Variants in ZFAND3 observed in about 807,000 individuals in gnomAD.
ZFAND3 encodes AN1-type zinc finger protein 3.
ZFAND3 carries 10 observed loss-of-function variants against 29.6 expected under a neutral mutation model. The ratio of observed to expected loss-of-function variants is 0.34; its 90% CI spans 0.21 to 0.57. The LOEUF (loss-of-function observed/expected upper bound fraction) is 0.57, where lower values mean the gene tolerates loss of function less well. Among genes scored for constraint, ZFAND3 ranks in the 20% least tolerant of loss-of-function variants. The probability of loss-of-function intolerance (pLI) is 0.86; values close to 1 mark genes in which losing one functional copy is unlikely to be tolerated. For synonymous variants in ZFAND3, 128 were observed against 112.6 expected (o/e 1.14, Z -0.87); for missense variants, 230 against 304.5 (o/e 0.76, Z 1.82).
chr6:38,142,013 C>G (rs1765968004), intron 5 of ZFAND3, among the ~76,000 whole-genome samples: 1 of 152,236 alleles, frequency 6.6e-6, no homozygotes, highest in East Asian at 1.9e-4. Flanking sequence ...AGCCACATAA[C>G]TGTCAAAACA....
At chr6:38,148,188 C>G (rs894719240) in intron 5 of ZFAND3, among the ~76,000 whole-genome samples, 1 of 152,174 alleles carries the variant, frequency 6.6e-6, no homozygotes, top group African/African-American at 2.4e-5. Context: ...CAGGCCAATT[C>G]TCTGAGCACC....
intron 2 of ZFAND3, among the ~76,000 whole-genome samples, chr6:37,973,455 T>C (rs1762425155): frequency 6.6e-6 from 1 of 152,250 alleles, no homozygotes; most frequent in South Asian, 2.1e-4. Context: ...GGAGTAGCAC[T>C]GTCTGATGCA....
rs144833520 is a variant in ZFAND3 at position 37,895,666 on chromosome 6, A to G, written c.72-34293A>G. Among the ~76,000 whole-genome samples, 472 of 151,696 alleles carry G rather than the reference A, an allele frequency of 3.1e-3. 3 individuals are homozygous for G. Among genetic ancestry groups the G allele is most frequent in the African/African-American group, 0.011 (446 of 41,394 alleles). ...GATTTTTCTTGTCACTGTGGGTCATATTTTCCTGCTTCTTTGCATGCTAGT... is the reference window on the plus strand; with the variant it reads ...GATTTTTCTTGTCACTGTGGGTCATGTTTTCCTGCTTCTTTGCATGCTAGT... On this transcript the variant is annotated intron_variant, in intron 1 of 5. Coordinates refer to ENST00000287218, the MANE Select transcript of ZFAND3 (RefSeq NM_021943.3).
rs758658709 is a variant in ZFAND3 at position 37,895,871 on chromosome 6, A to T, written c.72-34088A>T. 7.0e-4 allele frequency among the ~76,000 whole-genome samples: 106 copies of T among 152,288 alleles called. 1 individual carries two copies. Among genetic ancestry groups the T allele is most frequent in the Admixed American group, 2.5e-3 (39 of 15,298 alleles). Reference sequence around the variant, plus strand: ...CTGTGGTGTACCAAATCAACATTTAATCTAGGGTTCATTTACTCCACTACT... The same window carrying T: ...CTGTGGTGTACCAAATCAACATTTATTCTAGGGTTCATTTACTCCACTACT... On this transcript the variant is annotated intron_variant, in intron 1 of 5. Transcript: ENST00000287218.
At chr6:38,041,667 CTTCTTCTTCTTCTT>C in intron 2 of ZFAND3, among the ~76,000 whole-genome samples, 2 of 23,464 alleles carry the variant, frequency 8.5e-5, no homozygotes. Context: ...TCTTCTTCTT[CTTCTTCTTCTTCTT>C]CTTCTCCTTC....
chr6:37,889,828 A>G (rs985450085), intron 1 of ZFAND3, among the ~76,000 whole-genome samples: 1 of 152,260 alleles, frequency 6.6e-6, no homozygotes, highest in Non-Finnish European at 1.5e-5. Flanking sequence ...AATGTATATT[A>G]TTAGGACTTT....
At chr6:38,107,160 A>C (rs1004744890) in intron 4 of ZFAND3, among the ~76,000 whole-genome samples, 3 of 152,192 alleles carry the variant, frequency 2.0e-5, no homozygotes, top group Non-Finnish European at 4.4e-5. Flanking sequence ...AGATAATTGG[A>C]AGAATGACTT....
intron 1 of ZFAND3, among the ~76,000 whole-genome samples, chr6:37,842,343 G>A (rs984871597): frequency 1.3e-5 from 2 of 152,076 alleles, no homozygotes; most frequent in Non-Finnish European, 2.9e-5. Flanking sequence ...CTATCAGGCA[G>A]CCATGGTCCT....
intron 4 of ZFAND3, among the ~76,000 whole-genome samples, chr6:38,095,240 C>A (rs1372684345): frequency 6.6e-6 from 1 of 152,120 alleles, no homozygotes; most frequent in Non-Finnish European, 1.5e-5. Flanking sequence ...CTTTTCAGGG[C>A]TAGCATCTGT....
At chr6:38,076,515 C>T (rs1259312505) in intron 3 of ZFAND3, among the ~76,000 whole-genome samples, 2 of 151,992 alleles carry the variant, frequency 1.3e-5, no homozygotes, top group African/African-American at 4.8e-5. Flanking sequence ...AACTTTTGAC[C>T]CACTTTGAAA....
At chr6:37,892,447 T>C (rs929777209) in intron 1 of ZFAND3, among the ~76,000 whole-genome samples, 4 of 152,148 alleles carry the variant, frequency 2.6e-5, no homozygotes, top group Non-Finnish European at 4.4e-5. Flanking sequence ...TTAAAAAATG[T>C]ATTGGATGGA....
intron 2 of ZFAND3, among the ~76,000 whole-genome samples, chr6:38,021,429 T>C (rs905663904): frequency 1.3e-5 from 2 of 152,188 alleles, no homozygotes; most frequent in African/African-American, 4.8e-5. Flanking sequence ...AGCTTTTTTT[T>C]CCCTTGATAA....
intron 2 of ZFAND3, among the ~76,000 whole-genome samples, chr6:38,021,534 C>T (rs1763349090): frequency 6.6e-6 from 1 of 152,154 alleles, no homozygotes; most frequent in South Asian, 2.1e-4. Flanking sequence ...AAAAACACTG[C>T]TCTTATGTAA....
chr6:37,863,270 A>G (rs1213840884), intron 1 of ZFAND3, among the ~76,000 whole-genome samples: 2 of 152,266 alleles, frequency 1.3e-5, no homozygotes, highest in East Asian at 1.9e-4. Context: ...TTCCACATCA[A>G]GTGGTCACAT....
intron 5 of ZFAND3, among the ~76,000 whole-genome samples, chr6:38,146,519 C>T (rs139169230): frequency 6.6e-6 from 1 of 152,342 alleles, no homozygotes; most frequent in Non-Finnish European, 1.5e-5. Flanking sequence ...AGTTCTTCAG[C>T]ATTTTGTACA....
chr6:38,050,207 G>A (rs138652683), intron 2 of ZFAND3, among the ~76,000 whole-genome samples: 7 of 151,838 alleles, frequency 4.6e-5, no homozygotes, highest in South Asian at 2.1e-4. Context: ...CACCCACCTC[G>A]GCCTTCCAAA....
At position 38,065,478 on chromosome 6, in the gene ZFAND3, A is replaced by G. The variant is rs16890341; in HGVS notation, c.295+3703A>G. Among the ~76,000 whole-genome samples the G allele has an allele frequency of 0.017, 2,596 of 152,296 alleles. 254 individuals carry two copies. The East Asian group carries it at 0.28, about 16-fold the overall frequency. ...CAAAGAACGAATTTCAGTTTAGATA[A>G]TAATAATGTTAGCTCACATTTATGA... On this transcript the variant is annotated intron_variant, in intron 3 of 5. Coordinates refer to ENST00000287218, the MANE Select transcript of ZFAND3 (RefSeq NM_021943.3).
At chr6:38,030,797 TG>T (rs1763544963) in intron 2 of ZFAND3, among the ~76,000 whole-genome samples, 1 of 151,938 alleles carries the variant, frequency 6.6e-6, no homozygotes, top group Non-Finnish European at 1.5e-5. Flanking sequence ...AAAAACTTCA[TG>T]GGGGTAAGGG....
intron 1 of ZFAND3, among the ~76,000 whole-genome samples, chr6:37,826,802 GA>G (rs896001887): frequency 6.6e-6 from 1 of 151,348 alleles, no homozygotes; most frequent in African/African-American, 2.4e-5. Context: ...CTGTATCCTA[GA>G]ATGGCACTGC....
Sources: allele counts gnomAD v4.1 joint callset (sites outside exome capture counted in the v4.1 genomes callset), GRCh38; gene constraint gnomAD v4.1.1; transcripts MANE v1.5; gene names NCBI Gene and HGNC (gene_info 2026-07-23, HGNC 2026-07-21).